The following GRIK4 variants were observed in gnomAD, a reference collection of about 807,000 sequenced individuals.
GRIK4 encodes the protein glutamate ionotropic receptor kainate type subunit 4.
Under a neutral mutation model 104.9 loss-of-function variants are expected in GRIK4, and 40 were observed. That is an observed-to-expected ratio of 0.38 (90% CI 0.30 to 0.50). The LOEUF is 0.50. GRIK4 is among the 20% of genes least tolerant of loss of function. The pLI, the probability that GRIK4 is intolerant of heterozygous loss-of-function variation, is 0.93. For missense variants in GRIK4, 1,047 were observed against 1,308.1 expected (o/e 0.80, Z 3.08); for synonymous variants, 485 against 524.9 (o/e 0.92, Z 1.04).
chr11:120,809,580 T>C (rs575597786), intron 4 of GRIK4, among the ~76,000 whole-genome samples: 31 of 152,368 alleles, frequency 2.0e-4, no homozygotes, highest in African/African-American at 6.3e-4. Context: ...TTCAGTTCAG[T>C]TGAGCAAACA....
intron 3 of GRIK4, among the ~76,000 whole-genome samples, chr11:120,740,493 C>T (rs1174312291): frequency 6.6e-6 from 1 of 152,186 alleles, no homozygotes; most frequent in East Asian, 1.9e-4. Flanking sequence ...CCTGTCCCAG[C>T]TGGGACTCTG....
intron 1 of GRIK4, among the ~76,000 whole-genome samples, chr11:120,589,687 C>T (rs114450655): frequency 1.8e-4 from 28 of 152,274 alleles, no homozygotes; most frequent in African/African-American, 4.8e-4. Context: ...TAACCCTCCC[C>T]GAACCCTCAG....
chr11:120,837,191 G>C (rs1953596222), intron 8 of GRIK4, among the ~76,000 whole-genome samples: 1 of 152,318 alleles, frequency 6.6e-6, no homozygotes, highest in Middle Eastern at 3.4e-3. Context: ...AAAAAGTCCT[G>C]TGAGGTTTAG....
At chr11:120,948,606 C>A (rs1360963407) in intron 14 of GRIK4, among the ~76,000 whole-genome samples, 1 of 152,230 alleles carries the variant, frequency 6.6e-6, no homozygotes, top group Non-Finnish European at 1.5e-5. Flanking sequence ...ATATTACAGC[C>A]ATAGAAGCTC....
intron 9 of GRIK4, among the ~76,000 whole-genome samples, chr11:120,862,872 C>T (rs1176343201): frequency 1.3e-5 from 2 of 152,168 alleles, no homozygotes; most frequent in Non-Finnish European, 2.9e-5. Flanking sequence ...CCCCATTATA[C>T]ACAATATTTT....
chr11:120,981,260 A>G (rs1265763748), intron 19 of GRIK4, among the ~76,000 whole-genome samples: 3 of 152,356 alleles, frequency 2.0e-5, no homozygotes, highest in African/African-American at 2.4e-5. Flanking sequence ...AAACAGCCAT[A>G]TCATATCCTA....
intron 1 of GRIK4, among the ~76,000 whole-genome samples, chr11:120,516,312 G>T (rs1476734296): frequency 1.3e-5 from 2 of 152,148 alleles, no homozygotes; most frequent in Non-Finnish European, 2.9e-5. Context: ...GCTGGCAGGG[G>T]TGCTCAGGAA....
intron 3 of GRIK4, among the ~76,000 whole-genome samples, chr11:120,702,218 T>A (rs1344560393): frequency 1.3e-5 from 2 of 152,164 alleles, no homozygotes; most frequent in Non-Finnish European, 2.9e-5. Flanking sequence ...CCTCCCAAAG[T>A]GCTGGGATTA....
At chr11:120,897,229 G>T (rs537969875) in intron 11 of GRIK4, among the ~76,000 whole-genome samples, 56 of 152,232 alleles carry the variant, frequency 3.7e-4, no homozygotes, top group Non-Finnish European at 2.8e-4. Context: ...TTAGATTTAG[G>T]TAACTTACCA....
At chr11:120,882,281 A>G (rs934438485) in intron 11 of GRIK4, among the ~76,000 whole-genome samples, 8 of 152,192 alleles carry the variant, frequency 5.3e-5, no homozygotes, top group Admixed American at 3.9e-4. Flanking sequence ...TGTGATTGCT[A>G]CTGTCTAATA....
At chr11:120,749,608 G>C (rs1188348776) in intron 3 of GRIK4, among the ~76,000 whole-genome samples, 1 of 152,192 alleles carries the variant, frequency 6.6e-6, no homozygotes, top group Non-Finnish European at 1.5e-5. Flanking sequence ...GGTTCGTCCA[G>C]CTGAGAATTG....
intron 1 of GRIK4, among the ~76,000 whole-genome samples, chr11:120,557,890 C>T (rs1043102067): frequency 6.6e-6 from 1 of 151,936 alleles, no homozygotes. Flanking sequence ...CGGTGGCGGG[C>T]GCCTGTAGTC....
rs576111635 is a variant in GRIK4 at position 120,967,686 on chromosome 11, C to T, written c.2395+363C>T. Reference sequence around the variant, plus strand: ...TCTTGCGTCTCTACAGTATATTCTCCGCTACTAGCCAGAGTGATCCTTTTT... The same window carrying T: ...TCTTGCGTCTCTACAGTATATTCTCTGCTACTAGCCAGAGTGATCCTTTTT... On this transcript the variant is annotated intron_variant, in intron 19 of 20. Coordinates refer to ENST00000527524, the MANE Select transcript of GRIK4 (RefSeq NM_014619.5). This position sits in a 1 kb window ranked among gnomAD's most constrained non-coding sequence, Gnocchi z 4.2. Among the ~76,000 whole-genome samples the T allele has an allele frequency of 1.1e-4, 17 of 152,300 alleles. No individual in the cohort carries two copies. In the South Asian group the frequency reaches 1.9e-3, roughly 17 times the overall value.
intron 8 of GRIK4, among the ~76,000 whole-genome samples, chr11:120,855,579 T>TC (rs1352698097): frequency 1.4e-5 from 2 of 143,200 alleles, no homozygotes; most frequent in Non-Finnish European, 3.0e-5. Context: ...TTTTTTTTTT[T>TC]CGAGACAGAG....
chr11:120,705,242 T>C (rs11217979), intron 3 of GRIK4, among the ~76,000 whole-genome samples: 35,859 of 151,206 alleles, frequency 0.24, 6,265 homozygotes, highest in African/African-American at 0.49. Context: ...CTTTTTTTTT[T>C]TTTTTTGAGA....
At chr11:120,813,843 T>C (rs1952878417) in intron 4 of GRIK4, among the ~76,000 whole-genome samples, 1 of 152,264 alleles carries the variant, frequency 6.6e-6, no homozygotes, top group South Asian at 2.1e-4. Context: ...AAAATACATA[T>C]GGAGTTAAGC....
rs377752464 is a variant in GRIK4 at position 120,866,696 on chromosome 11, C to T, written c.906+4576C>T. On this transcript the variant is annotated intron_variant, in intron 9 of 20. Transcript: ENST00000527524. The stretch of plus-strand genomic sequence containing the variant: ...CTCAAGGCTGTCTCAGGGAACCATG[C>T]GAGGAGCATCCATGTGGGCCTCAGG... 5.3e-5 allele frequency among the ~76,000 whole-genome samples: 8 copies of T among 152,222 alleles called. No individual in the cohort carries two copies. The East Asian group carries it at 5.8e-4, about 11-fold the overall frequency.
intron 12 of GRIK4, among the ~76,000 whole-genome samples, chr11:120,898,928 C>T (rs1338397061): frequency 1.3e-5 from 2 of 152,176 alleles, no homozygotes; most frequent in African/African-American, 2.4e-5. Context: ...GGGAAGGGGA[C>T]CTGTGACACA....
chr11:120,872,303 G>A (rs556200541), intron 9 of GRIK4: 8 of 223,680 alleles, frequency 3.6e-5, no homozygotes, highest in Non-Finnish European at 7.2e-5. Flanking sequence ...CTCTGGACTT[G>A]GTGTTCATGC....
Sources: allele counts gnomAD v4.1 joint callset (sites outside exome capture counted in the v4.1 genomes callset), GRCh38; gene constraint gnomAD v4.1.1; non-coding constraint Gnocchi (gnomAD v3.1); transcripts MANE v1.5; gene names NCBI Gene and HGNC (gene_info 2026-07-23, HGNC 2026-07-21).